ZNF155: variants seen among roughly 807,000 people sequenced by gnomAD.
ZNF155 encodes KRAB A domain.
ZNF155 carries 15 observed loss-of-function variants against 11.9 expected under a neutral mutation model. The ratio of observed to expected loss-of-function variants is 1.26; its 90% CI spans 0.84 to 1.94. The LOEUF (loss-of-function observed/expected upper bound fraction) is 1.94. Ranked by LOEUF, ZNF155 falls within the 30% of genes most tolerant of loss-of-function variation. The pLI, the probability that ZNF155 is intolerant of heterozygous loss-of-function variation, is 0.00. For synonymous variants in ZNF155, 212 were observed against 219.9 expected (o/e 0.96, Z 0.32); for missense variants, 602 against 639.1 (o/e 0.94, Z 0.63).
intron 4 of ZNF155, among the ~76,000 whole-genome samples, chr19:43,994,022 T>C (rs970129469): frequency 2.6e-5 from 4 of 152,248 alleles, no homozygotes. Context: ...CTTGTCATGA[T>C]GCTGTGATAA....
chr19:43,991,585 C>T lies in ZNF155; in HGVS notation c.53C>T (p.Thr18Ile), dbSNP rs1222995842. Residue 18 changes from threonine to isoleucine, a missense_variant, in exon 3 of 5, where the codon ACT (threonine) becomes ATT (isoleucine). Thr to Ile is a moderately conservative substitution (Grantham distance 89, BLOSUM62 -1). Transcript: ENST00000270014. ...VTFKDVAVVFTEEELGLLDPA... is the reference protein window; with the variant it reads ...VTFKDVAVVFIEEELGLLDPA... Reference sequence around the variant, plus strand: ...TTCAAGGATGTGGCTGTGGTCTTCACTGAGGAGGAGCTGGGGCTGCTGGAC... The same window carrying T: ...TTCAAGGATGTGGCTGTGGTCTTCATTGAGGAGGAGCTGGGGCTGCTGGAC... The T allele has an allele frequency of 3.7e-6, 6 of 1,613,980 alleles. No individual in the cohort carries two copies. Among genetic ancestry groups the T allele is most frequent in the Non-Finnish European group, 5.1e-6 (6 of 1,180,026 alleles).
chr19:43,986,817 G>A (rs1300236806), intron 1 of ZNF155, among the ~76,000 whole-genome samples: 1 of 152,082 alleles, frequency 6.6e-6, no homozygotes, highest in East Asian at 1.9e-4. Flanking sequence ...TCATTTCAAA[G>A]CTGTAGAAGA....
At chr19:43,991,816 C>T in intron 3 of ZNF155, 26 bp from the exon 4 acceptor site, 2 of 1,609,388 alleles carry the variant, frequency 1.2e-6, no homozygotes, top group South Asian at 1.1e-5. Context: ...TGTTGGGATT[C>T]AGCACGTGAC....
chr19:43,987,687 A>C (rs1051921161), intron 1 of ZNF155, among the ~76,000 whole-genome samples: 4 of 152,224 alleles, frequency 2.6e-5, no homozygotes, highest in African/African-American at 7.2e-5. Context: ...CTGGGGAGAT[A>C]CATTATTAAT....
At chr19:43,995,335 AC>A (rs1329985277) in intron 4 of ZNF155, among the ~76,000 whole-genome samples, 1 of 149,922 alleles carries the variant, frequency 6.7e-6, no homozygotes, top group Non-Finnish European at 1.5e-5. Flanking sequence ...TGAACTCCTG[AC>A]CTCAAGTGAT....
chr19:43,991,535 C>G lies in ZNF155; in HGVS notation c.16-13C>G, dbSNP rs1975665002. 3.7e-6 allele frequency: 6 copies of G among 1,614,018 alleles called. No homozygotes were observed. The highest frequency in any genetic ancestry group is 5.1e-6 in the Non-Finnish European group (6 of 1,179,962). On this transcript the variant is annotated splice_polypyrimidine_tract_variant and intron_variant, in intron 2 of 4. Coordinates refer to ENST00000270014, the MANE Select transcript of ZNF155 (RefSeq NM_198089.3). Reference sequence around the variant, plus strand: ...GGTCATAAGATTGAAGTTATGTCTTCTTGATGTTGTAGGAGGCAGTGACCT... The same window carrying G: ...GGTCATAAGATTGAAGTTATGTCTTGTTGATGTTGTAGGAGGCAGTGACCT...
rs1342160154 is a variant in ZNF155, at chr19:43,997,355, A to G, written c.1498A>G (p.Lys500Glu). Reference protein sequence around the residue: ...GKRLVHRTYRKDQPRDYSGEN... With the variant: ...GKRLVHRTYREDQPRDYSGEN... ...GAGGCTTGTACACAGGACATACCGT[A>G]AAGACCAGCCGAGAGACTATAGTGG... Residue 500 changes from lysine (K) to glutamate (E), a missense_variant, in exon 5 of 5, where the codon AAA becomes GAA. Physicochemically the swap from Lys to Glu is moderately conservative, Grantham distance 56 (BLOSUM62 1). Coordinates refer to ENST00000270014, the MANE Select transcript of ZNF155 (RefSeq NM_198089.3). The G allele has an allele frequency of 6.2e-7, 1 of 1,613,858 alleles. No homozygotes were observed. Among genetic ancestry groups the G allele is most frequent in the Non-Finnish European group, 8.5e-7 (1 of 1,179,790 alleles).
At position 43,997,930 on chromosome 19, in the gene ZNF155, A is replaced by G. The variant is rs1975965711; in HGVS notation, c.*456A>G. 6.4e-6 allele frequency: 1 copy of G among 155,922 alleles called. No individual in the cohort carries two copies. The highest frequency in any genetic ancestry group is 2.4e-5 in the African/African-American group (1 of 41,488). The allele number at this position is 155,922 out of a possible 1,614,324, so 9.7% of individuals were successfully genotyped here. On this transcript the variant is annotated 3_prime_UTR_variant, in exon 5 of 5. Coordinates refer to ENST00000270014, the MANE Select transcript of ZNF155 (RefSeq NM_198089.3). ...GGAAAAAGTTTCTTCTTTTGTGGGC[A>G]TGAACACAGTGGGCTTCAGTAGGTT...
chr19:43,988,145 C>T (rs1975524652), intron 1 of ZNF155, among the ~76,000 whole-genome samples: 1 of 152,172 alleles, frequency 6.6e-6, no homozygotes, highest in Non-Finnish European at 1.5e-5. Context: ...CTCATTCTCA[C>T]CTCAAATCTG....
chr19:43,989,369 G>A (rs1039549332), intron 2 of ZNF155, among the ~76,000 whole-genome samples: 3 of 152,170 alleles, frequency 2.0e-5, no homozygotes, highest in Non-Finnish European at 4.4e-5. Context: ...GTGATACTAA[G>A]TTTTGCCAAT....
Position 43,996,140 on chromosome 19 carries a change from C to G in ZNF155, c.283C>G (p.His95Asp), listed in dbSNP as rs1975843293. 1 of 1,613,288 alleles carries G rather than the reference C, an allele frequency of 6.2e-7. No homozygotes were observed. The highest frequency in any genetic ancestry group is 8.5e-7 in the Non-Finnish European group (1 of 1,179,468). ...GGAGTCTGTTCCAGAAGCAGGAGCA[C>G]ATGAAGAGTGGTCCTGCCAGCAAAT... ...ELESVPEAGA[H>D]EEWSCQQIWE... Residue 95 changes from histidine (H) to aspartate (D), a missense_variant, in exon 5 of 5, where the codon CAT (histidine) becomes GAT (aspartate). By Grantham distance (81) the His-to-Asp change is moderately conservative. Coordinates refer to ENST00000270014, the MANE Select transcript of ZNF155 (RefSeq NM_198089.3).
At chr19:43,989,456 G>A (rs1452778464) in intron 2 of ZNF155, among the ~76,000 whole-genome samples, 1 of 152,178 alleles carries the variant, frequency 6.6e-6, no homozygotes, top group Admixed American at 6.5e-5. Flanking sequence ...TCTTGAACAG[G>A]TGAAATATGA....
At chr19:43,988,770 A>G (rs1975552411) in intron 2 of ZNF155, 1 of 436,376 alleles carries the variant, frequency 2.3e-6, no homozygotes, top group Non-Finnish European at 4.0e-6. Flanking sequence ...TTTATGGAGT[A>G]TGAAAATTAG....
chr19:43,986,594 T>A (rs1975457192), intron 1 of ZNF155, among the ~76,000 whole-genome samples: 1 of 151,828 alleles, frequency 6.6e-6, no homozygotes, highest in Non-Finnish European at 1.5e-5. Flanking sequence ...GGACTACAGG[T>A]GCCGGCCACC....
intron 1 of ZNF155, among the ~76,000 whole-genome samples, chr19:43,986,139 C>A (rs1975432746): frequency 6.6e-6 from 1 of 152,128 alleles, no homozygotes; most frequent in African/African-American, 2.4e-5. Flanking sequence ...GGAACCATAT[C>A]ATTGTGGAGC....
rs1367367005 is a variant in ZNF155 at position 43,997,922 on chromosome 19, T to C, written c.*448T>C. 6.4e-6 allele frequency: 1 copy of C among 156,068 alleles called. No individual in the cohort carries two copies. Among genetic ancestry groups the C allele is most frequent in the Non-Finnish European group, 1.4e-5 (1 of 70,646 alleles). The allele number at this position is 156,068 out of a possible 1,614,324, so 9.7% of individuals were successfully genotyped here. ...GGCTCCGAGGAAAAAGTTTCTTCTT[T>C]TGTGGGCATGAACACAGTGGGCTTC... On this transcript the variant is annotated 3_prime_UTR_variant, in exon 5 of 5. Coordinates refer to ENST00000270014, the MANE Select transcript of ZNF155 (RefSeq NM_198089.3).
At chr19:43,995,087 A>G (rs1599843732) in intron 4 of ZNF155, among the ~76,000 whole-genome samples, 1 of 150,898 alleles carries the variant, frequency 6.6e-6, no homozygotes, top group African/African-American at 2.4e-5. Flanking sequence ...CAAAGTCCCA[A>G]CCTCTTTTTG....
chr19:43,986,078 T>C (rs1599835818), intron 1 of ZNF155, among the ~76,000 whole-genome samples: 1 of 152,238 alleles, frequency 6.6e-6, no homozygotes, highest in Non-Finnish European at 1.5e-5. Context: ...TAGGAGTCTT[T>C]TAAAAATTTG....
At position 43,997,319 on chromosome 19, in the gene ZNF155, G is replaced by A. The variant is rs1265084845; in HGVS notation, c.1462G>A (p.Asp488Asn). The change falls in exon 5 of 5, where the codon GAC becomes AAC. Residue 488 changes from aspartate (D) to asparagine (N), a missense_variant. Transcript: ENST00000270014. ...CCAGAAAAAACCATTCAAATGTGAG[G>A]ACTGTGGAAAGAGGCTTGTACACAG... is the stretch of plus-strand genomic sequence containing the variant. ...HCQKKPFKCE[D>N]CGKRLVHRTY... 3.1e-6 allele frequency: 5 copies of A among 1,614,144 alleles called. No individual in the cohort carries two copies. The highest frequency in any genetic ancestry group is 4.2e-6 in the Non-Finnish European group (5 of 1,180,026).
Sources: allele counts gnomAD v4.1 joint callset (sites outside exome capture counted in the v4.1 genomes callset), GRCh38; gene constraint gnomAD v4.1.1; transcripts MANE v1.5; gene names NCBI Gene and HGNC (gene_info 2026-07-23, HGNC 2026-07-21).